The following WDR72 variants were observed in gnomAD, a reference collection of about 807,000 sequenced individuals.
The protein encoded by WDR72 is WD repeat domain 72.
Under a neutral mutation model 124.2 loss-of-function variants are expected in WDR72, and 120 were observed. The ratio of observed to expected loss-of-function variants is 0.97; its 90% confidence interval spans 0.83 to 1.12. WDR72 has a LOEUF of 1.12. Among genes scored for constraint, WDR72 ranks in the 50% most tolerant of loss-of-function variants. The pLI, the probability that WDR72 is intolerant of heterozygous loss-of-function variation, is 0.00. For missense variants in WDR72, 1,387 were observed against 1,278.8 expected (o/e 1.08, Z -1.29); for synonymous variants, 452 against 441.7 (o/e 1.02, Z -0.29).
chr15:53,627,610 G>A (rs1405496032), intron 14 of WDR72, among the ~76,000 whole-genome samples: 1 of 152,132 alleles, frequency 6.6e-6, no homozygotes, highest in Non-Finnish European at 1.5e-5. Context: ...TTAATGTAAA[G>A]TGTATAAGTT....
chr15:53,633,528 A>C (rs778809913), intron 14 of WDR72, among the ~76,000 whole-genome samples: 8 of 152,204 alleles, frequency 5.3e-5, no homozygotes, highest in Non-Finnish European at 8.8e-5. Flanking sequence ...AACAATCCAA[A>C]AATAAAATTA....
intron 14 of WDR72, among the ~76,000 whole-genome samples, chr15:53,629,723 T>C (rs1326492204): frequency 2.6e-5 from 4 of 152,138 alleles, no homozygotes; most frequent in South Asian, 2.1e-4. Flanking sequence ...GTGAGTGTCC[T>C]AGCATTTTAA....
intron 14 of WDR72, among the ~76,000 whole-genome samples, chr15:53,624,614 T>C (rs1250448437): frequency 1.3e-5 from 2 of 152,226 alleles, no homozygotes; most frequent in Non-Finnish European, 2.9e-5. Context: ...GGTCACCTTA[T>C]CAAAGAAGCA....
At chr15:53,519,758 T>A (rs1891681688) in intron 19 of WDR72, among the ~76,000 whole-genome samples, 1 of 151,960 alleles carries the variant, frequency 6.6e-6, no homozygotes, top group African/African-American at 2.4e-5. Flanking sequence ...AATGGCATGA[T>A]GAATAAGGTA....
chr15:53,622,617 G>C (rs779623147), intron 14 of WDR72, among the ~76,000 whole-genome samples: 6 of 151,912 alleles, frequency 3.9e-5, no homozygotes, highest in Non-Finnish European at 8.8e-5. Context: ...CACAGTGGGG[G>C]CAGTCTGAGG....
At chr15:53,651,240 T>C (rs2015229215) in intron 14 of WDR72, among the ~76,000 whole-genome samples, 1 of 152,168 alleles carries the variant, frequency 6.6e-6, no homozygotes, top group Non-Finnish European at 1.5e-5. Flanking sequence ...GGTTCTTTCT[T>C]GCAATTCAAA....
intron 18 of WDR72, among the ~76,000 whole-genome samples, chr15:53,581,149 G>T (rs575577795): frequency 6.6e-6 from 1 of 152,006 alleles, no homozygotes; most frequent in Non-Finnish European, 1.5e-5. Flanking sequence ...ATTGATTAGA[G>T]AGCGAGAGTG....
At chr15:53,704,842 A>T in intron 11 of WDR72, 146 bp downstream of exon 11, 1 of 830,068 alleles carries the variant, frequency 1.2e-6, no homozygotes, top group Non-Finnish European at 1.8e-6. Flanking sequence ...ACCTATATGT[A>T]TGTTTTACTT....
Position 53,715,376 on chromosome 15 carries a change from A to G in WDR72, c.340-9T>C, listed in dbSNP as rs760052152. The G allele has an allele frequency of 4.4e-5, 71 of 1,613,952 alleles. No homozygotes were observed. The highest frequency in any genetic ancestry group is 5.9e-5 in the Non-Finnish European group (70 of 1,179,960). On this transcript the variant is annotated splice_polypyrimidine_tract_variant and intron_variant, in intron 4 of 19. Transcript: ENST00000360509. ...AATGAGCAGTGGTAATACTACGTAC[A>G]TGGAAAGCAAAGCAAACATTTAATT...
At position 53,710,905 on chromosome 15, in the gene WDR72, C is replaced by G; in HGVS notation, c.906G>C (p.Glu302Asp). The change falls in exon 9 of 20, where the codon GAG becomes GAC. Residue 302 changes from glutamate to aspartate, a missense_variant. Glu to Asp is a conservative substitution (Grantham distance 45, BLOSUM62 2). Coordinates refer to ENST00000360509, the MANE Select transcript of WDR72 (RefSeq NM_182758.4). ...IYPADGRVLK[E>D]TIYPHLLCST... ...AGCACAGTAAATGAGGATAAATGGT[C>G]TCTTTAAGCACTCTTCCATCAGCAG... The G allele has an allele frequency of 1.2e-6, 2 of 1,613,906 alleles. No individual in the cohort carries two copies. The highest frequency in any genetic ancestry group is 2.2e-5 in the South Asian group (2 of 91,078).
intron 1 of WDR72, among the ~76,000 whole-genome samples, chr15:53,736,822 T>G (rs971492591): frequency 6.6e-6 from 1 of 152,022 alleles, no homozygotes; most frequent in Non-Finnish European, 1.5e-5. Context: ...TTACAGGAAA[T>G]TGGTTACATA....
At chr15:53,741,772 C>T (rs1221979402) in intron 1 of WDR72, among the ~76,000 whole-genome samples, 1 of 151,418 alleles carries the variant, frequency 6.6e-6, no homozygotes, top group Non-Finnish European at 1.5e-5. Flanking sequence ...CTCTGTCACT[C>T]ACGCTGGAGT....
At chr15:53,525,603 G>C (rs1264993385) in intron 18 of WDR72, among the ~76,000 whole-genome samples, 3 of 152,028 alleles carry the variant, frequency 2.0e-5, no homozygotes, top group Non-Finnish European at 4.4e-5. Flanking sequence ...TGGCAATAAA[G>C]TGGTCCCAGA....
intron 3 of WDR72, among the ~76,000 whole-genome samples, chr15:53,722,405 C>A (rs1462920454): frequency 1.3e-5 from 2 of 152,164 alleles, no homozygotes; most frequent in African/African-American, 2.4e-5. Flanking sequence ...TTTTGTAAAA[C>A]TATGAAAGCT....
Position 53,710,867 on chromosome 15 carries a change from T to C in WDR72, c.944A>G (p.Gln315Arg). ...YPHLLCSTSVQENKEQSRPFV... is the reference protein window; with the variant it reads ...YPHLLCSTSVRENKEQSRPFV... ...CTTTTCTTGCATTACCTTATTTTCC[T>C]GCACAGAAGTAGAGCACAGTAAATG... The change falls in exon 9 of 20, where the codon CAG becomes CGG. Residue 315 changes from glutamine to arginine, a missense_variant. Transcript: ENST00000360509. 1 of 1,612,458 alleles carries C rather than the reference T, an allele frequency of 6.2e-7. No homozygotes were observed. Among genetic ancestry groups the C allele is most frequent in the Non-Finnish European group, 8.5e-7 (1 of 1,178,534 alleles).
At chr15:53,524,095 T>C (rs1368358509) in intron 18 of WDR72, among the ~76,000 whole-genome samples, 3 of 152,044 alleles carry the variant, frequency 2.0e-5, no homozygotes, top group Admixed American at 1.3e-4. Flanking sequence ...CATATTTCCA[T>C]ATTACATTTG....
At chr15:53,620,699 A>C (rs957289749) in intron 14 of WDR72, among the ~76,000 whole-genome samples, 1 of 152,140 alleles carries the variant, frequency 6.6e-6, no homozygotes, top group African/African-American at 2.4e-5. Context: ...AAAATTCTAG[A>C]AGATAACATT....
chr15:53,520,191 T>A (rs960122824), intron 19 of WDR72, among the ~76,000 whole-genome samples: 6 of 152,126 alleles, frequency 3.9e-5, no homozygotes, highest in African/African-American at 1.4e-4. Context: ...TTATGTGGAA[T>A]GAACAATATA....
rs1025000524 is a variant in WDR72 at position 53,704,888 on chromosome 15, C to A, written c.1348+100G>T. 3.6e-6 allele frequency: 5 copies of A among 1,369,998 alleles called. No individual in the cohort carries two copies. The South Asian group carries it at 4.0e-5, about 11-fold the overall frequency. 84.9% of individuals were successfully genotyped at this position (1,369,998 alleles called of 1,614,324 possible). A position where few individuals can be genotyped will look rare whatever the true frequency, so the allele number is the denominator to read the frequency against. ...ATATGTACATATTTATCAGCAAATGCCAGCAAATTATTTAGGCCTCTAAAT... is the reference window on the plus strand; with the variant it reads ...ATATGTACATATTTATCAGCAAATGACAGCAAATTATTTAGGCCTCTAAAT... On this transcript the variant is annotated intron_variant, in intron 11 of 19. Coordinates refer to ENST00000360509, the MANE Select transcript of WDR72 (RefSeq NM_182758.4).
Sources: gnomAD v4.1 joint callset for allele counts (sites outside exome capture counted in the v4.1 genomes callset) on GRCh38, gnomAD v4.1.1 for gene constraint, MANE v1.5 for transcripts, NCBI Gene and HGNC (gene_info 2026-07-23, HGNC 2026-07-21) for gene names.